SYK: variants seen among roughly 807,000 people sequenced by gnomAD.
The protein encoded by SYK is spleen associated tyrosine kinase.
SYK carries 16 observed loss-of-function variants against 77.8 expected under a neutral mutation model. The ratio of observed to expected loss-of-function variants is 0.21; its 90% CI spans 0.14 to 0.31. SYK has a LOEUF of 0.31. Ranked by LOEUF, SYK falls within the 10% of genes least tolerant of loss-of-function variation. The pLI, the probability that SYK is intolerant of heterozygous loss-of-function variation, is 1.00. For missense variants in SYK, 529 were observed against 814.4 expected, an observed-to-expected ratio of 0.65 and a Z score of 4.26; for synonymous variants, 312 against 308.7, an observed-to-expected ratio of 1.01 and a Z score of -0.11.
chr9:90,856,559 T>A (rs1378955358), intron 3 of SYK, among the ~76,000 whole-genome samples: 7 of 152,034 alleles, frequency 4.6e-5, no homozygotes, highest in East Asian at 1.9e-4. Flanking sequence ...TGATTTTTTT[T>A]AATTACATTT....
intron 9 of SYK, among the ~76,000 whole-genome samples, chr9:90,875,240 AAAATAAAT>A (rs201667821): frequency 1.3e-5 from 2 of 150,978 alleles, no homozygotes; most frequent in African/African-American, 4.9e-5. Flanking sequence ...CTCTACAAAA[AAAATAAAT>A]AAATAAATAA....
At chr9:90,816,236 T>C (rs995499752) in intron 1 of SYK, among the ~76,000 whole-genome samples, 10 of 152,200 alleles carry the variant, frequency 6.6e-5, no homozygotes, top group Non-Finnish European at 1.0e-4. Flanking sequence ...CACATCTAGA[T>C]GTGTCCCAAG....
Position 90,805,869 on chromosome 9 carries a change from G to A in SYK, c.-42+3976G>A, listed in dbSNP as rs149802228. Among the ~76,000 whole-genome samples, 488 of 152,206 alleles carry A rather than the reference G, an allele frequency of 3.2e-3. 3 individuals carry two copies. Among genetic ancestry groups the A allele is most frequent in the African/African-American group, 0.011 (468 of 41,516 alleles). On this transcript the variant is annotated intron_variant, in intron 1 of 13. Coordinates refer to ENST00000375754, the MANE Select transcript of SYK (RefSeq NM_003177.7). Reference sequence around the variant, plus strand: ...TCTAGAATTCTCACTATTTCCTTATGATTGGCATATTTTCAAAGTTTTTTG... The same window carrying A: ...TCTAGAATTCTCACTATTTCCTTATAATTGGCATATTTTCAAAGTTTTTTG...
At chr9:90,890,486 C>T (rs965411481) in intron 13 of SYK, among the ~76,000 whole-genome samples, 3 of 152,218 alleles carry the variant, frequency 2.0e-5, no homozygotes, top group Admixed American at 6.5e-5. Flanking sequence ...CGTATTTTCC[C>T]GCCTGGAGAT....
At chr9:90,819,212 C>T (rs1825415746) in intron 1 of SYK, among the ~76,000 whole-genome samples, 1 of 152,174 alleles carries the variant, frequency 6.6e-6, no homozygotes. Context: ...GAATGTGAGT[C>T]ACCCATAGCA....
chr9:90,847,014 G>A (rs1330434557), intron 3 of SYK, among the ~76,000 whole-genome samples: 1 of 152,240 alleles, frequency 6.6e-6, no homozygotes, highest in African/African-American at 2.4e-5. Flanking sequence ...CCTGCTCATA[G>A]CCTCTTTGGC....
intron 1 of SYK, among the ~76,000 whole-genome samples, chr9:90,812,942 G>T (rs574525844): frequency 6.6e-6 from 1 of 152,288 alleles, no homozygotes; most frequent in Admixed American, 6.5e-5. Context: ...TGTAAGACTT[G>T]CAGGAGGTGA....
intron 1 of SYK, among the ~76,000 whole-genome samples, chr9:90,814,205 C>G (rs1169355363): frequency 1.3e-5 from 2 of 152,124 alleles, no homozygotes; most frequent in South Asian, 4.1e-4. Flanking sequence ...TTTGGCCCAA[C>G]TAGAAGGAAT....
At chr9:90,805,139 G>T (rs1824769047) in intron 1 of SYK, among the ~76,000 whole-genome samples, 1 of 152,178 alleles carries the variant, frequency 6.6e-6, no homozygotes, top group Non-Finnish European at 1.5e-5. Flanking sequence ...TTTTCTTTCT[G>T]GGACACCACG....
At chr9:90,855,081 A>G (rs1029662475) in intron 3 of SYK, among the ~76,000 whole-genome samples, 1 of 151,672 alleles carries the variant, frequency 6.6e-6, no homozygotes, top group Non-Finnish European at 1.5e-5. Context: ...GGACCTGTGC[A>G]CAACCTGTGG....
rs1825413615 is a variant in SYK at position 90,819,154 on chromosome 9, G to T, written c.-42+17261G>T. Among the ~76,000 whole-genome samples the T allele has an allele frequency of 2.0e-5, 3 of 152,158 alleles. No homozygotes were observed. The South Asian group carries it at 6.2e-4, about 32-fold the overall frequency. On this transcript the variant is annotated intron_variant, in intron 1 of 13. Transcript: ENST00000375754. ...CCCATCCAGCTTGTTTGTGACCACTGAGGCCCTTGGTGAATATCTTAGAAG... is the reference window on the plus strand; with the variant it reads ...CCCATCCAGCTTGTTTGTGACCACTTAGGCCCTTGGTGAATATCTTAGAAG...
At chr9:90,846,947 A>G (rs781656015) in intron 3 of SYK, among the ~76,000 whole-genome samples, 16 of 152,240 alleles carry the variant, frequency 1.1e-4, no homozygotes, top group Non-Finnish European at 2.1e-4. Flanking sequence ...ATGTGAAGTC[A>G]ACCCAAAATA....
chr9:90,815,461 G>A (rs1825254761), intron 1 of SYK, among the ~76,000 whole-genome samples: 1 of 152,222 alleles, frequency 6.6e-6, no homozygotes, highest in Non-Finnish European at 1.5e-5. Context: ...CTTAATTTGA[G>A]TAGAGATAAA....
intron 1 of SYK, among the ~76,000 whole-genome samples, chr9:90,814,700 A>T: frequency 6.6e-6 from 1 of 152,096 alleles, no homozygotes. Context: ...AGAGGATCTG[A>T]CCCTGGGAAC....
chr9:90,821,927 C>T (rs549100150), intron 1 of SYK, among the ~76,000 whole-genome samples: 47 of 151,866 alleles, frequency 3.1e-4, no homozygotes, highest in Middle Eastern at 3.4e-3. Context: ...TTAGTGCTGT[C>T]GGCCGTGAGT....
At chr9:90,832,864 C>G (rs1011785222) in intron 1 of SYK, among the ~76,000 whole-genome samples, 2 of 152,168 alleles carry the variant, frequency 1.3e-5, no homozygotes, top group Non-Finnish European at 2.9e-5. Context: ...TTTGAGATAG[C>G]TGGGTAGGCT....
rs540097876 is a variant in SYK, at chr9:90,892,498, G to A, written c.1836-3030G>A. On this transcript the variant is annotated intron_variant, in intron 13 of 13. Transcript: ENST00000375754. ...TCAAAATAATCAATATCCCAATCTG[G>A]CATATTTTGGGATGGCCCATGCTTC... Among the ~76,000 whole-genome samples the A allele has an allele frequency of 3.9e-5, 6 of 152,304 alleles. No individual in the cohort carries two copies. The South Asian group carries it at 1.2e-3, about 32-fold the overall frequency.
chr9:90,854,813 T>G lies in SYK; in HGVS notation c.579-7393T>G, dbSNP rs563955466. ...GGTGCCCTCCTGACCTTCCTTCCCC[T>G]GTCCATTTTGAAAAGAAATAAGCAG... On this transcript the variant is annotated intron_variant, in intron 3 of 13. Transcript: ENST00000375754. Among the ~76,000 whole-genome samples, 7 of 152,192 alleles carry G rather than the reference T, an allele frequency of 4.6e-5. No individual in the cohort carries two copies. The East Asian group carries it at 9.7e-4, about 21-fold the overall frequency.
intron 3 of SYK, among the ~76,000 whole-genome samples, chr9:90,847,087 G>T (rs1452688502): frequency 6.6e-6 from 1 of 152,172 alleles, no homozygotes; most frequent in Non-Finnish European, 1.5e-5. Flanking sequence ...ATCCTTCATG[G>T]CCATGACTTT....
Sources: allele counts gnomAD v4.1 joint callset (sites outside exome capture counted in the v4.1 genomes callset), GRCh38; gene constraint gnomAD v4.1.1; transcripts MANE v1.5; gene names NCBI Gene and HGNC (gene_info 2026-07-23, HGNC 2026-07-21).